The following CR2 variants were observed in gnomAD, a reference collection of about 807,000 sequenced individuals.
The protein encoded by CR2 is complement receptor type 2.
CR2 carries 96 observed loss-of-function variants against 123.0 expected under a neutral mutation model. The observed-to-expected ratio is 0.78, with a 90% CI of 0.66 to 0.93. The LOEUF is 0.93. Ranked by LOEUF, CR2 falls within the 40% of genes least tolerant of loss-of-function variation. The probability of loss-of-function intolerance (pLI) is 0.00; values close to 1 mark genes in which losing one functional copy is unlikely to be tolerated. For missense variants in CR2, 1,258 were observed against 1,361.0 expected, an observed-to-expected ratio of 0.92 and a Z score of 1.19; for synonymous variants, 484 against 469.5, an observed-to-expected ratio of 1.03 and a Z score of -0.40.
chr1:207,487,202 G>A (rs1274220879), intron 19 of CR2, among the ~76,000 whole-genome samples: 4 of 152,180 alleles, frequency 2.6e-5, no homozygotes, highest in African/African-American at 9.7e-5. Context: ...TTAGGGAGGA[G>A]GGAGTGATCA....
In CR2 at chr1:207,461,382, C is replaced by T. The variant is rs563696822; in HGVS notation, c.59-5144C>T. Among the ~76,000 whole-genome samples, 4 of 152,144 alleles carry T rather than the reference C, an allele frequency of 2.6e-5. No individual in the cohort carries two copies. In the South Asian group the frequency reaches 8.3e-4, roughly 32 times the overall value. On this transcript the variant is annotated intron_variant, in intron 1 of 19. Transcript: ENST00000367057. ...GAAATTTTATGAAAAATTACTTTCT[C>T]CATCTCTGAAGTCTACCCTAAAAAT...
chr1:207,470,671 C>T, intron 6 of CR2, 69 bp from the exon 7 acceptor site: 1 of 1,475,260 alleles, frequency 6.8e-7, no homozygotes, highest in South Asian at 1.1e-5. Context: ...ATATCAATTT[C>T]TTTGGCTCAG....
chr1:207,468,813 A>G lies in CR2; in HGVS notation c.648A>G (p.Lys216=), dbSNP rs1658182597. 6.2e-7 allele frequency: 1 copy of G among 1,613,862 alleles called. No homozygotes were observed. The highest frequency in any genetic ancestry group is 8.5e-7 in the Non-Finnish European group (1 of 1,179,942). Residue 216 remains lysine, a synonymous_variant, in exon 4 of 20, where the codon AAA becomes AAG. Coordinates refer to ENST00000367057, the MANE Select transcript of CR2 (RefSeq NM_001006658.3). ...TTTGTTTTTTAGAGGCACGCTGTAA[A>G]TCTCTAGGACGATTTCCCAATGGGA... ...VPPTCEEARC[K]SLGRFPNGKV... is the part of the protein sequence containing the mutation.
chr1:207,467,122 G>A (rs944728959), intron 2 of CR2, among the ~76,000 whole-genome samples: 5 of 152,220 alleles, frequency 3.3e-5, no homozygotes, highest in Non-Finnish European at 5.9e-5. Flanking sequence ...GGAGTTTAAA[G>A]TACATGGAAA....
Position 207,454,439 on chromosome 1 carries a change from CG to C in CR2, c.25del (p.Val9PhefsTer22). 6.3e-7 allele frequency: 1 copy of C among 1,585,390 alleles called. No homozygotes were observed. On this transcript the variant is annotated frameshift_variant, in exon 1 of 20. Transcript: ENST00000367057. LOFTEE classifies it high-confidence loss of function. This position sits in a 1 kb window ranked among gnomAD's most constrained non-coding sequence, Gnocchi z 4.3. The part of the protein sequence containing the change: MGAAGLL[G>X]VFLALVAPGV... ...GTGGCATGGGCGCCGCGGGCCTGCT[CG>C]GGGTTTTCTTGGCTCTCGTCGCACC... is the stretch of plus-strand genomic sequence containing the variant.
chr1:207,473,171 G>C lies in CR2; in HGVS notation c.1970G>C (p.Cys657Ser). ...ACCTGGGATCCTGAAATACCAGTTT[G>C]TGAAAAAGGTAAAAACCCAATAAGG... ...DNTWDPEIPV[C>S]EKGCQSPPGL... The change falls in exon 10 of 20, where the codon TGT (cysteine) becomes TCT (serine). Residue 657 changes from cysteine (C) to serine (S), a missense_variant. By Grantham distance (112) the Cys-to-Ser change is moderately radical (BLOSUM62 -1). Transcript: ENST00000367057. 6.2e-7 allele frequency: 1 copy of C among 1,613,742 alleles called. No individual in the cohort carries two copies. The highest frequency in any genetic ancestry group is 8.5e-7 in the Non-Finnish European group (1 of 1,179,850).
rs1352354655 is a variant in CR2, at chr1:207,473,162, T to C, written c.1961T>C (p.Ile654Thr). 2 of 1,613,816 alleles carry C rather than the reference T, an allele frequency of 1.2e-6. No homozygotes were observed. Among genetic ancestry groups the C allele is most frequent in the Non-Finnish European group, 1.7e-6 (2 of 1,179,838 alleles). The part of the protein sequence containing the change: ...CKADNTWDPE[I>T]PVCEKGCQSP... ...GCTGATAACACCTGGGATCCTGAAA[T>C]ACCAGTTTGTGAAAAAGGTAAAAAC... Residue 654 changes from isoleucine to threonine, a missense_variant, in exon 10 of 20, where the codon ATA becomes ACA. Physicochemically the swap from Ile to Thr is moderately conservative, Grantham distance 89 (BLOSUM62 -1). Coordinates refer to ENST00000367057, the MANE Select transcript of CR2 (RefSeq NM_001006658.3).
At chr1:207,488,204 A>G (rs1474161428) in intron 19 of CR2, among the ~76,000 whole-genome samples, 1 of 152,230 alleles carries the variant, frequency 6.6e-6, no homozygotes, top group Non-Finnish European at 1.5e-5. Context: ...TGTTCTCCCA[A>G]GATAATATCA....
intron 14 of CR2, among the ~76,000 whole-genome samples, chr1:207,475,979 T>C (rs990734382): frequency 9.9e-5 from 15 of 152,266 alleles, no homozygotes; most frequent in Admixed American, 9.2e-4. Context: ...GCTGATGGAT[T>C]ACCATTGTGA....
Position 207,454,624 on chromosome 1 carries a change from G to A in CR2, c.58+148G>A. On this transcript the variant is annotated intron_variant, in intron 1 of 19. Transcript: ENST00000367057. This position sits in a 1 kb window ranked among gnomAD's most constrained non-coding sequence, Gnocchi z 4.3. ...CTCCCGCTAGCTTTGAGGGACCACT[G>A]CAATAAACCGCCTGGTCCTGATTGT... is the stretch of plus-strand genomic sequence containing the variant. 1 of 633,440 alleles carries A rather than the reference G, an allele frequency of 1.6e-6. No homozygotes were observed. The highest frequency in any genetic ancestry group is 1.9e-5 in the South Asian group (1 of 51,666). The allele number at this position is 633,440 out of a possible 1,614,324, so 39.2% of individuals were successfully genotyped here. A position where few individuals can be genotyped will look rare whatever the true frequency, so the allele number is the denominator to read the frequency against.
chr1:207,477,856 G>C, intron 15 of CR2, 29 bp from the exon 16 acceptor site: 1 of 1,608,892 alleles, frequency 6.2e-7, no homozygotes, highest in Non-Finnish European at 8.5e-7. Context: ...AAATATGACT[G>C]TGCTTGAATT....
intron 1 of CR2, among the ~76,000 whole-genome samples, chr1:207,459,618 G>T (rs1657919201): frequency 6.6e-6 from 1 of 152,130 alleles, no homozygotes; most frequent in Non-Finnish European, 1.5e-5. Context: ...CTCAGAAACT[G>T]CTTCGCCTGT....
chr1:207,459,146 T>C (rs974846399), intron 1 of CR2, among the ~76,000 whole-genome samples: 2 of 152,204 alleles, frequency 1.3e-5, no homozygotes, highest in African/African-American at 2.4e-5. Context: ...ACAAGGATGA[T>C]GCCAGTTTGA....
chr1:207,476,429 C>T lies in CR2; in HGVS notation c.2902+10C>T. On this transcript the variant is annotated intron_variant, in intron 15 of 19. Coordinates refer to ENST00000367057, the MANE Select transcript of CR2 (RefSeq NM_001006658.3). Reference sequence around the variant, plus strand: ...GCCCCTCATTGTAAAGGTGCTTTGTCTATTTTTTATTCTTATTTTTATATC... The same window carrying T: ...GCCCCTCATTGTAAAGGTGCTTTGTTTATTTTTTATTCTTATTTTTATATC... 6.2e-7 allele frequency: 1 copy of T among 1,610,934 alleles called. No individual in the cohort carries two copies. Among genetic ancestry groups the T allele is most frequent in the Non-Finnish European group, 8.5e-7 (1 of 1,178,844 alleles).
At chr1:207,464,408 C>G (rs868612629) in intron 1 of CR2, among the ~76,000 whole-genome samples, 3 of 152,222 alleles carry the variant, frequency 2.0e-5, no homozygotes, top group African/African-American at 7.2e-5. Flanking sequence ...TCACTCCCAG[C>G]CATCCCCCAT....
chr1:207,463,121 G>T (rs1658007069), intron 1 of CR2, among the ~76,000 whole-genome samples: 2 of 152,060 alleles, frequency 1.3e-5, no homozygotes, highest in African/African-American at 4.8e-5. Flanking sequence ...GGGTTGATTT[G>T]GTTTTCTTTT....
intron 1 of CR2, among the ~76,000 whole-genome samples, chr1:207,456,586 C>T (rs1657840145): frequency 6.6e-6 from 1 of 152,188 alleles, no homozygotes; most frequent in Non-Finnish European, 1.5e-5. Context: ...TTTCAAATTT[C>T]CTACACTTCT....
Position 207,480,010 on chromosome 1 carries a change from T to C in CR2, c.3145T>C (p.Leu1049=), listed in dbSNP as rs1411534067. ...IAAGLILLTF[L]IVITLYVISK... Reference sequence around the variant, plus strand: ...TGCAGGTTTGATACTTCTTACCTTCTTGATTGTCATTACCTTATACGTGAT... The same window carrying C: ...TGCAGGTTTGATACTTCTTACCTTCCTGATTGTCATTACCTTATACGTGAT... Residue 1049 remains leucine (L), a synonymous_variant, in exon 18 of 20, where the codon TTG becomes CTG. Transcript: ENST00000367057. 3.7e-6 allele frequency: 6 copies of C among 1,613,208 alleles called. No individual in the cohort carries two copies. Among genetic ancestry groups the C allele is most frequent in the Non-Finnish European group, 5.1e-6 (6 of 1,179,372 alleles).
chr1:207,480,956 A>T (rs12059417), intron 18 of CR2, among the ~76,000 whole-genome samples: 15,660 of 152,044 alleles, frequency 0.1, 868 homozygotes, highest in African/African-American at 0.15. Context: ...GTCTATAGAT[A>T]AATTTGTGAG....
Sources: allele counts gnomAD v4.1 joint callset (sites outside exome capture counted in the v4.1 genomes callset), GRCh38; gene constraint gnomAD v4.1.1; non-coding constraint Gnocchi (gnomAD v3.1); transcripts MANE v1.5; gene names NCBI Gene and HGNC (gene_info 2026-07-23, HGNC 2026-07-21).